Variants in PRH1 observed in about 807,000 individuals in gnomAD.
PRH1 encodes salivary acidic proline-rich phosphoprotein 1/2.
In PRH1, 7 loss-of-function variants were observed where a neutral mutation model predicts 7.9. That is an observed-to-expected ratio of 0.89 (90% confidence interval 0.50 to 1.67). PRH1 has a LOEUF of 1.67. Ranked by LOEUF, PRH1 falls within the 40% of genes most tolerant of loss-of-function variation. The pLI is 0.00. For missense variants in PRH1, 109 were observed against 223.6 expected, an observed-to-expected ratio of 0.49 and a Z score of 3.27; for synonymous variants, 45 against 80.8, an observed-to-expected ratio of 0.56 and a Z score of 2.38.
chr12:11,123,702 T>C (rs1281057781), intron 1 of PRH1, among the ~76,000 whole-genome samples: 2 of 151,232 alleles, frequency 1.3e-5, no homozygotes, highest in Non-Finnish European at 3.0e-5. Context: ...TTTGTTACCC[T>C]CTAGTCTTAT....
intron 1 of PRH1, among the ~76,000 whole-genome samples, chr12:11,054,731 A>C (rs1461416028): frequency 1.3e-5 from 2 of 152,132 alleles, no homozygotes; most frequent in Admixed American, 1.3e-4. Context: ...TATCATAAAT[A>C]ATGAAATTGG....
intron 2 of PRH1, among the ~76,000 whole-genome samples, chr12:10,944,491 G>A (rs1315125116): frequency 6.6e-6 from 1 of 152,150 alleles, no homozygotes; most frequent in African/African-American, 2.4e-5. Flanking sequence ...TTTGTAGATA[G>A]AGAATATGTC....
intron 1 of PRH1, chr12:11,132,865 AC>A (rs1946404444): frequency 8.3e-5 from 13 of 157,060 alleles, no homozygotes; most frequent in South Asian, 4.0e-4. Flanking sequence ...GGTTAAAACA[AC>A]AGATTGTAAG....
At chr12:10,995,850 G>A (rs1319911578) in intron 1 of PRH1, among the ~76,000 whole-genome samples, 1 of 151,942 alleles carries the variant, frequency 6.6e-6, no homozygotes, top group Non-Finnish European at 1.5e-5. Flanking sequence ...TCATGATCAT[G>A]TTTCTTCATC....
intron 1 of PRH1, among the ~76,000 whole-genome samples, chr12:11,055,498 G>T (rs1344762888): frequency 5.3e-5 from 8 of 152,376 alleles, no homozygotes; most frequent in Non-Finnish European, 1.2e-4. Context: ...TGTCAAGCAG[G>T]AACGCACCGG....
intron 1 of PRH1, chr12:10,997,746 C>G (rs1434913877): frequency 1.2e-6 from 2 of 1,613,896 alleles, no homozygotes; most frequent in East Asian, 4.5e-5. Context: ...ATTTGATCAG[C>G]TGAGGAGATC....
At chr12:11,117,354 C>T (rs1945759889), downstream of PRH1, among the ~76,000 whole-genome samples, 1 of 151,758 alleles carries the variant, frequency 6.6e-6, no homozygotes, top group African/African-American at 2.4e-5. Flanking sequence ...ATTAACTCAG[C>T]CAAAGAGATG....
intron 2 of PRH1, among the ~76,000 whole-genome samples, chr12:10,966,947 CTACAAAAAA>C (rs1938529044): frequency 6.6e-6 from 1 of 151,948 alleles, no homozygotes; most frequent in African/African-American, 2.4e-5. Flanking sequence ...AACCCCGTCT[CTACAAAAAA>C]TACAAAAAAT....
At chr12:11,049,337 C>A, upstream of PRH1, 2 of 281,500 alleles carry the variant, frequency 7.1e-6, no homozygotes, top group Non-Finnish European at 1.3e-5. Context: ...ACCTTAATGT[C>A]GATAAACACT....
intron 1 of PRH1, among the ~76,000 whole-genome samples, chr12:11,168,951 T>C (rs1160077392): frequency 6.6e-6 from 1 of 152,212 alleles, no homozygotes; most frequent in Non-Finnish European, 1.5e-5. Flanking sequence ...AACCAAAGGG[T>C]TGAGTACTGA....
intron 1 of PRH1, among the ~76,000 whole-genome samples, chr12:10,994,791 A>G (rs1209353018): frequency 7.0e-6 from 1 of 143,878 alleles, no homozygotes; most frequent in African/African-American, 2.5e-5. Flanking sequence ...GATAGTTGGT[A>G]ACTAAATTTT....
chr12:10,931,589 G>A (rs1950214406), intron 2 of PRH1, among the ~76,000 whole-genome samples: 1 of 152,074 alleles, frequency 6.6e-6, no homozygotes, highest in Non-Finnish European at 1.5e-5. Context: ...GAATAGACAT[G>A]TACCAAGCTA....
intron 2 of PRH1, among the ~76,000 whole-genome samples, chr12:10,898,116 T>C (rs1381083111): frequency 1.3e-5 from 2 of 152,202 alleles, no homozygotes; most frequent in African/African-American, 4.8e-5. Context: ...TGTATAAATT[T>C]TCTATAATTT....
At chr12:11,151,588 C>G (rs181576738) in intron 1 of PRH1, among the ~76,000 whole-genome samples, 18 of 152,272 alleles carry the variant, frequency 1.2e-4, no homozygotes, top group African/African-American at 4.1e-4. Flanking sequence ...CCTAACTCAT[C>G]CTTTACTTCC....
intron 2 of PRH1, chr12:10,938,641 T>C (rs1157023586): frequency 1.9e-6 from 3 of 1,613,670 alleles, no homozygotes; most frequent in Non-Finnish European, 2.5e-6. Flanking sequence ...AAGTAAAGGG[T>C]ATGAAAATGA....
intron 1 of PRH1, among the ~76,000 whole-genome samples, chr12:11,109,083 C>T (rs1157918062): frequency 6.6e-6 from 1 of 152,200 alleles, no homozygotes; most frequent in Non-Finnish European, 1.5e-5. Context: ...CCCACAGCAG[C>T]TCTGCACAAC....
At chr12:10,993,553 C>T (rs2135998859) in intron 1 of PRH1, among the ~76,000 whole-genome samples, 1 of 152,258 alleles carries the variant, frequency 6.6e-6, no homozygotes, top group South Asian at 2.1e-4. Context: ...CTGAAACACC[C>T]TTTTAAAGTA....
chr12:11,163,077 A>C (rs1405754217), intron 1 of PRH1, among the ~76,000 whole-genome samples: 1 of 152,232 alleles, frequency 6.6e-6, no homozygotes, highest in Non-Finnish European at 1.5e-5. Context: ...TCAAAAGCTG[A>C]CTTTAAAAAA....
chr12:10,893,808 T>C (rs1336641510), intron 2 of PRH1, among the ~76,000 whole-genome samples: 1 of 152,208 alleles, frequency 6.6e-6, no homozygotes, highest in Non-Finnish European at 1.5e-5. Context: ...GCTTGCAATA[T>C]GTTCTTTTTT....
Sources: allele counts gnomAD v4.1 joint callset (sites outside exome capture counted in the v4.1 genomes callset), GRCh38; gene constraint gnomAD v4.1.1; transcripts MANE v1.5; gene names NCBI Gene and HGNC (gene_info 2026-07-23, HGNC 2026-07-21).